Variants in SCFD2 observed in about 807,000 individuals in gnomAD.
SCFD2 encodes the protein sec1 family domain-containing protein 2.
SCFD2 carries 54 observed loss-of-function variants against 58.9 expected under a neutral mutation model. The observed-to-expected ratio is 0.92, with a 90% CI of 0.74 to 1.15. The LOEUF (loss-of-function observed/expected upper bound fraction) is 1.15, where lower values mean the gene tolerates loss of function less well. Among genes scored for constraint, SCFD2 ranks in the 50% most tolerant of loss-of-function variants. SCFD2 has a pLI of 0.00. For synonymous variants in SCFD2, 321 were observed against 335.9 expected (o/e 0.96, Z 0.49); for missense variants, 805 against 836.6 (o/e 0.96, Z 0.47).
intron 4 of SCFD2, among the ~76,000 whole-genome samples, chr4:53,179,440 C>G (rs1469325144): frequency 6.6e-6 from 1 of 152,160 alleles, no homozygotes; most frequent in Non-Finnish European, 1.5e-5. Flanking sequence ...ACTTTACAGA[C>G]AAGCAAATGC....
At chr4:53,178,346 T>C (rs1727416646) in intron 4 of SCFD2, among the ~76,000 whole-genome samples, 1 of 152,044 alleles carries the variant, frequency 6.6e-6, no homozygotes, top group Non-Finnish European at 1.5e-5. Flanking sequence ...TTCACCAATA[T>C]CCGCTGTTCT....
chr4:53,265,623 AGTT>A (rs1560419955), intron 4 of SCFD2: 2 of 152,312 alleles, frequency 1.3e-5, no homozygotes, highest in East Asian at 3.9e-4. Context: ...CAAAAAGGTC[AGTT>A]GTTTCATTCT....
intron 2 of SCFD2, among the ~76,000 whole-genome samples, chr4:53,326,861 C>T (rs1733214394): frequency 6.6e-6 from 1 of 151,952 alleles, no homozygotes; most frequent in African/African-American, 2.4e-5. Context: ...TAATGTAAAT[C>T]ACAAAAAATT....
intron 4 of SCFD2, among the ~76,000 whole-genome samples, chr4:53,187,287 A>G (rs1727766281): frequency 6.6e-6 from 1 of 152,126 alleles, no homozygotes; most frequent in Non-Finnish European, 1.5e-5. Flanking sequence ...GCTGTGAAGC[A>G]ATGGACAGCA....
intron 5 of SCFD2, among the ~76,000 whole-genome samples, chr4:53,038,216 TAGA>T: frequency 6.6e-6 from 1 of 152,318 alleles, no homozygotes; most frequent in African/African-American, 2.4e-5. Flanking sequence ...AATACAAGTC[TAGA>T]AGAAGTCATG....
intron 2 of SCFD2, among the ~76,000 whole-genome samples, chr4:53,349,300 G>A (rs1272485519): frequency 6.6e-6 from 1 of 152,164 alleles, no homozygotes; most frequent in African/African-American, 2.4e-5. Flanking sequence ...ATAGAAAACA[G>A]CAACTAAATT....
chr4:53,254,027 G>A (rs987020613), intron 4 of SCFD2, among the ~76,000 whole-genome samples: 10 of 151,762 alleles, frequency 6.6e-5, no homozygotes, highest in African/African-American at 2.4e-4. Context: ...TCACTTATAA[G>A]TTAGAGCTAA....
At position 53,009,668 on chromosome 4, in the gene SCFD2, A is replaced by G. The variant is rs59317693; in HGVS notation, c.1562-88798T>C. ...ATATAACCTCCATTTATAGACACAC[A>G]TAGTCTCAACCTCCATTTCTACAGA... On this transcript the variant is annotated intron_variant, in intron 5 of 8. Coordinates refer to ENST00000401642, the MANE Select transcript of SCFD2 (RefSeq NM_152540.4). Among the ~76,000 whole-genome samples, 670 of 152,312 alleles carry G rather than the reference A, an allele frequency of 4.4e-3. 8 individuals are homozygous for G. Among genetic ancestry groups the G allele is most frequent in the African/African-American group, 0.015 (630 of 41,566 alleles).
At chr4:53,281,137 A>C (rs1731495429) in intron 3 of SCFD2, among the ~76,000 whole-genome samples, 1 of 152,152 alleles carries the variant, frequency 6.6e-6, no homozygotes, top group East Asian at 1.9e-4. Context: ...AACAACCTCA[A>C]CTCGTCTTAT....
intron 7 of SCFD2, among the ~76,000 whole-genome samples, chr4:52,887,896 C>CT (rs71195133): frequency 0.13 from 10,581 of 81,790 alleles, 1,348 homozygotes; most frequent in Non-Finnish European, 0.18. Flanking sequence ...ACATCTTATT[C>CT]TTTTTTTTTT....
intron 3 of SCFD2, among the ~76,000 whole-genome samples, chr4:53,309,026 G>A (rs34538537): frequency 2.6e-5 from 4 of 151,914 alleles, no homozygotes; most frequent in Non-Finnish European, 4.4e-5. Context: ...CCAGCTACTC[G>A]GAAGGCTGAG....
chr4:53,320,110 T>C (rs754113504), intron 2 of SCFD2, among the ~76,000 whole-genome samples: 18 of 152,256 alleles, frequency 1.2e-4, no homozygotes, highest in Non-Finnish European at 2.4e-4. Context: ...ATAAGTATCA[T>C]TGGACCCCAT....
chr4:53,178,292 G>T (rs974728448), intron 4 of SCFD2, among the ~76,000 whole-genome samples: 4 of 152,174 alleles, frequency 2.6e-5, no homozygotes, highest in African/African-American at 9.6e-5. Context: ...GTACTCCTCT[G>T]AGACAAAACT....
intron 2 of SCFD2, among the ~76,000 whole-genome samples, chr4:53,314,252 T>C (rs1418489895): frequency 6.6e-6 from 1 of 152,190 alleles, no homozygotes; most frequent in African/African-American, 2.4e-5. Context: ...TCCTAATTAG[T>C]AGGCTTCCTA....
At chr4:53,286,311 C>T (rs1016756578) in intron 3 of SCFD2, among the ~76,000 whole-genome samples, 7 of 152,126 alleles carry the variant, frequency 4.6e-5, no homozygotes, top group Non-Finnish European at 8.8e-5. Context: ...AGTGGAGCGG[C>T]CATGCACCCT....
At chr4:52,933,815 A>G (rs1255742165) in intron 5 of SCFD2, among the ~76,000 whole-genome samples, 1 of 152,184 alleles carries the variant, frequency 6.6e-6, no homozygotes, top group Non-Finnish European at 1.5e-5. Flanking sequence ...TTAATTTCCA[A>G]TGCAACAACA....
chr4:53,175,944 AATTT>A (rs1727315608), intron 4 of SCFD2, among the ~76,000 whole-genome samples: 2 of 152,156 alleles, frequency 1.3e-5, no homozygotes, highest in Non-Finnish European at 2.9e-5. Flanking sequence ...CAAGACTGTG[AATTT>A]ATAACTATTG....
At chr4:53,119,959 A>AG (rs1244705098) in intron 5 of SCFD2, among the ~76,000 whole-genome samples, 3 of 152,200 alleles carry the variant, frequency 2.0e-5, no homozygotes, top group African/African-American at 7.2e-5. Context: ...TCCCTCAAAC[A>AG]GGCCTCCTCT....
At chr4:52,900,998 A>G (rs1719183953) in intron 7 of SCFD2, among the ~76,000 whole-genome samples, 1 of 152,194 alleles carries the variant, frequency 6.6e-6, no homozygotes, top group Non-Finnish European at 1.5e-5. Flanking sequence ...GGAAGAGCAC[A>G]GTATTAGGGT....
Sources: gnomAD v4.1 joint callset for allele counts (sites outside exome capture counted in the v4.1 genomes callset) on GRCh38, gnomAD v4.1.1 for gene constraint, MANE v1.5 for transcripts, NCBI Gene and HGNC (gene_info 2026-07-23, HGNC 2026-07-21) for gene names.